Variants in SDK1 observed in about 807,000 individuals in gnomAD.
SDK1 encodes the protein sidekick cell adhesion molecule 1.
Under a neutral mutation model 245.5 loss-of-function variants are expected in SDK1, and 157 were observed. That is an observed-to-expected ratio of 0.64 (90% CI 0.56 to 0.73). The LOEUF (loss-of-function observed/expected upper bound fraction) is 0.73. Among genes scored for constraint, SDK1 ranks in the 30% least tolerant of loss-of-function variants. The pLI is 0.00. For synonymous variants in SDK1, 1,647 were observed against 1,278.5 expected (o/e 1.29, Z -6.15); for missense variants, 3,583 against 3,002.3 (o/e 1.19, Z -4.52).
At chr7:3,559,532 G>A (rs896113140) in intron 1 of SDK1, among the ~76,000 whole-genome samples, 1 of 152,082 alleles carries the variant, frequency 6.6e-6, no homozygotes, top group African/African-American at 2.4e-5. Flanking sequence ...CCAAGATGTA[G>A]TAATCAGCTT....
At chr7:3,473,258 ACTGCCTCTTAGAAGG>A (rs1307483308) in intron 1 of SDK1, among the ~76,000 whole-genome samples, 2 of 152,178 alleles carry the variant, frequency 1.3e-5, no homozygotes, top group African/African-American at 2.4e-5. Context: ...CACTGTACAC[ACTGCCTCTTAGAAGG>A]CTGGTTCCAC....
chr7:3,790,367 C>T (rs7804384), intron 4 of SDK1, among the ~76,000 whole-genome samples: 1,958 of 152,228 alleles, frequency 0.013, 40 homozygotes, highest in African/African-American at 0.045. Context: ...CCTGTGGCTG[C>T]TCAATGGCAG....
At chr7:3,796,943 G>C (rs945424797) in intron 4 of SDK1, among the ~76,000 whole-genome samples, 2 of 151,706 alleles carry the variant, frequency 1.3e-5, no homozygotes, top group African/African-American at 4.8e-5. Flanking sequence ...TTTTATTTTA[G>C]ATACACATAA....
intron 1 of SDK1, among the ~76,000 whole-genome samples, chr7:3,367,263 C>CTA (rs1781117148): frequency 6.6e-6 from 1 of 151,600 alleles, no homozygotes; most frequent in South Asian, 2.1e-4. Flanking sequence ...TGATCTGGAT[C>CTA]TTTAGGTACA....
intron 35 of SDK1, 77 bp from the exon 36 acceptor site, chr7:4,205,802 C>T (rs950698959): frequency 1.5e-4 from 173 of 1,179,122 alleles, no homozygotes; most frequent in South Asian, 1.2e-3. Context: ...TGCTCGAGCC[C>T]CATGGGCATG....
rs545435563 is a variant in SDK1 at position 3,793,916 on chromosome 7, C to T, written c.714-27534C>T. Among the ~76,000 whole-genome samples, 43 of 152,264 alleles carry T rather than the reference C, an allele frequency of 2.8e-4. 1 individual carries two copies. Among genetic ancestry groups the T allele is most frequent in the African/African-American group, 1.0e-3 (43 of 41,560 alleles). On this transcript the variant is annotated intron_variant, in intron 4 of 44. Coordinates refer to ENST00000404826, the MANE Select transcript of SDK1 (RefSeq NM_152744.4). ...CTCATTGGTGTCCGGGAGCAGGGTG[C>T]TCCCTGCCCTGTTCTGGGGAATGTG... is the stretch of plus-strand genomic sequence containing the variant.
intron 22 of SDK1, among the ~76,000 whole-genome samples, chr7:4,099,310 C>A (rs1782385256): frequency 6.6e-6 from 1 of 150,378 alleles, no homozygotes; most frequent in South Asian, 2.1e-4. Flanking sequence ...GCTGACAGAT[C>A]CCAAGGGGAG....
intron 44 of SDK1, among the ~76,000 whole-genome samples, chr7:4,263,528 G>A (rs1788202164): frequency 1.0e-5 from 1 of 98,214 alleles, no homozygotes; most frequent in Admixed American, 9.1e-5. Context: ...CCTGAGTGGG[G>A]AGGCCGCGTA....
chr7:3,926,815 A>T (rs1779787988), intron 5 of SDK1, among the ~76,000 whole-genome samples: 1 of 152,206 alleles, frequency 6.6e-6, no homozygotes, highest in Non-Finnish European at 1.5e-5. Flanking sequence ...AGGCTCAACC[A>T]CTTAGCAACT....
chr7:3,822,003 A>G (rs115183297), intron 5 of SDK1, among the ~76,000 whole-genome samples: 1 of 152,226 alleles, frequency 6.6e-6, no homozygotes, highest in South Asian at 2.1e-4. Flanking sequence ...AAGTTGTACG[A>G]AAATTAGCAG....
chr7:4,225,107 C>CCAGCAGATGGGTGGCTGTCA, intron 40 of SDK1, among the ~76,000 whole-genome samples: 1 of 151,524 alleles, frequency 6.6e-6, no homozygotes, highest in Admixed American at 6.6e-5. Context: ...ATTAAGGATC[C>CCAGCAGATGGGTGGCTGTCA]CAGCAGATGG....
chr7:3,475,315 T>C (rs561531152), intron 1 of SDK1, among the ~76,000 whole-genome samples: 6 of 152,254 alleles, frequency 3.9e-5, no homozygotes, highest in Admixed American at 3.9e-4. Flanking sequence ...TCTGGAGCCC[T>C]CCCCAGCCCT....
intron 17 of SDK1, among the ~76,000 whole-genome samples, chr7:4,044,179 C>T (rs73300989): frequency 0.077 from 11,702 of 152,244 alleles, 1,030 homozygotes; most frequent in African/African-American, 0.21. Context: ...GCTTCGTGCA[C>T]ACGTTGGCGC....
intron 5 of SDK1, among the ~76,000 whole-genome samples, chr7:3,856,937 G>A (rs184748637): frequency 6.6e-6 from 1 of 152,198 alleles, no homozygotes; most frequent in Admixed American, 6.5e-5. Flanking sequence ...AGTGTTAAAA[G>A]GGACAAAGAG....
At chr7:3,653,646 G>A (rs777031818) in intron 4 of SDK1, among the ~76,000 whole-genome samples, 10 of 152,168 alleles carry the variant, frequency 6.6e-5, no homozygotes, top group East Asian at 1.9e-4. Context: ...GAGAATAAAC[G>A]CATCCCAATC....
intron 37 of SDK1, among the ~76,000 whole-genome samples, chr7:4,209,770 G>A (rs141564387): frequency 4.0e-4 from 61 of 152,212 alleles, no homozygotes; most frequent in African/African-American, 1.3e-3. Flanking sequence ...TGCCTTTGCC[G>A]TTTTGTCTCT....
At chr7:3,912,928 GT>G (rs1198023078) in intron 5 of SDK1, among the ~76,000 whole-genome samples, 1 of 152,260 alleles carries the variant, frequency 6.6e-6, no homozygotes, top group Admixed American at 6.5e-5. Flanking sequence ...GCAAGTCACA[GT>G]TTTCATGTAA....
intron 4 of SDK1, among the ~76,000 whole-genome samples, chr7:3,719,898 A>C (rs1785314710): frequency 6.6e-6 from 1 of 151,510 alleles, no homozygotes; most frequent in South Asian, 2.1e-4. Flanking sequence ...AATTGCTTGA[A>C]CCCGGGAGGC....
intron 1 of SDK1, among the ~76,000 whole-genome samples, chr7:3,405,667 T>C (rs1051752460): frequency 6.6e-6 from 1 of 152,178 alleles, no homozygotes; most frequent in Admixed American, 6.5e-5. Context: ...TAAGGAAAGC[T>C]CACTTTAGCA....
Sources: gnomAD v4.1 joint callset for allele counts (sites outside exome capture counted in the v4.1 genomes callset) on GRCh38, gnomAD v4.1.1 for gene constraint, MANE v1.5 for transcripts, NCBI Gene and HGNC (gene_info 2026-07-23, HGNC 2026-07-21) for gene names.